The following ZGRF1 variants were observed in gnomAD, a reference collection of about 807,000 sequenced individuals.
The protein encoded by ZGRF1 is zinc finger GRF-type containing 1.
ZGRF1 carries 196 observed loss-of-function variants against 203.5 expected under a neutral mutation model. The observed-to-expected ratio is 0.96, with a 90% CI of 0.86 to 1.08. The LOEUF is 1.08. Among genes scored for constraint, ZGRF1 ranks in the 50% least tolerant of loss-of-function variants. The pLI is 0.00. For missense variants in ZGRF1, 2,326 were observed against 2,416.3 expected (o/e 0.96, Z 0.78); for synonymous variants, 809 against 841.3 (o/e 0.96, Z 0.66).
At position 112,603,594 on chromosome 4, in the gene ZGRF1, G is replaced by T. The variant is rs770946928; in HGVS notation, c.2906C>A (p.Thr969Asn). The T allele has an allele frequency of 2.9e-5, 47 of 1,613,424 alleles. 2 individuals carry two copies. In the South Asian group the frequency reaches 5.1e-4, roughly 17 times the overall value. Reference protein sequence around the residue: ...QLGCSQFPDSTEYENFMTETP... With the variant: ...QLGCSQFPDSNEYENFMTETP... ...CTCTGTCATAAAGTTTTCATACTCA[G>T]TGCTATCTGGAAACTGACTGCATCC... The change falls in exon 10 of 28, where the codon ACT (threonine) becomes AAT (asparagine). Residue 969 changes from threonine (T) to asparagine (N), a missense_variant. By Grantham distance (65) the Thr-to-Asn change is moderately conservative. Coordinates refer to ENST00000505019, the MANE Select transcript of ZGRF1 (RefSeq NM_018392.5).
intron 21 of ZGRF1, among the ~76,000 whole-genome samples, chr4:112,554,228 G>T (rs1304513103): frequency 8.8e-6 from 1 of 114,120 alleles, no homozygotes; most frequent in Non-Finnish European, 1.6e-5. Flanking sequence ...ACACGCCCCA[G>T]TGTGTGATGT....
rs534216760 is a variant in ZGRF1, at chr4:112,620,080, T to C, written c.273A>G (p.Pro91=). The C allele has an allele frequency of 6.2e-7, 1 of 1,613,528 alleles. No individual in the cohort carries two copies. Among genetic ancestry groups the C allele is most frequent in the South Asian group, 1.1e-5 (1 of 91,028 alleles). ...ATATAAATGTCCTTGAATTTAACTC[T>C]GGTGCTTCTTTATTGACATTCTGCT... ...IVKQNVNKEA[P]ELNSRTFISS... Residue 91 remains proline (P), a synonymous_variant, in exon 5 of 28, where the codon CCA becomes CCG. Coordinates refer to ENST00000505019, the MANE Select transcript of ZGRF1 (RefSeq NM_018392.5).
At chr4:112,613,647 G>A (rs1471669897) in intron 6 of ZGRF1, among the ~76,000 whole-genome samples, 5 of 152,192 alleles carry the variant, frequency 3.3e-5, no homozygotes, top group African/African-American at 1.2e-4. Context: ...ACTCAGCTAT[G>A]ACAAGGGTAA....
chr4:112,623,218 T>C (rs1477112162), intron 4 of ZGRF1, among the ~76,000 whole-genome samples: 2 of 152,224 alleles, frequency 1.3e-5, no homozygotes. Flanking sequence ...TAATATTTCA[T>C]GGTGTATTTC....
chr4:112,574,029 C>T (rs548298212), intron 16 of ZGRF1, among the ~76,000 whole-genome samples: 3 of 152,106 alleles, frequency 2.0e-5, no homozygotes, highest in African/African-American at 4.8e-5. Context: ...AGAATGAGTA[C>T]AAACTGATAG....
chr4:112,539,808 C>A, intron 27 of ZGRF1, 55 bp downstream of exon 27: 2 of 1,599,946 alleles, frequency 1.3e-6, no homozygotes, highest in South Asian at 1.1e-5. Context: ...AAGCATTAAC[C>A]CATAAAAGTC....
chr4:112,561,815 C>T (rs1742031479), intron 18 of ZGRF1, among the ~76,000 whole-genome samples: 1 of 151,270 alleles, frequency 6.6e-6, no homozygotes, highest in African/African-American at 2.4e-5. Flanking sequence ...CTGAAATGAT[C>T]CTTAAATTAT....
chr4:112,539,636 G>C lies in ZGRF1; in HGVS notation c.6226C>G (p.Leu2076Val), dbSNP rs377650157. The C allele has an allele frequency of 6.2e-7, 1 of 1,604,516 alleles. No homozygotes were observed. Among genetic ancestry groups the C allele is most frequent in the African/African-American group, 1.3e-5 (1 of 74,702 alleles). Residue 2076 changes from leucine to valine, a missense_variant, in exon 28 of 28, where the codon CTC becomes GTC. Leu to Val is a conservative substitution (Grantham distance 32). Coordinates refer to ENST00000505019, the MANE Select transcript of ZGRF1 (RefSeq NM_018392.5). ...ANQYEPQLNHLLKDYFEKQVE... is the reference protein window; with the variant it reads ...ANQYEPQLNHVLKDYFEKQVE... The stretch of plus-strand genomic sequence containing the variant: ...TGTTTTTCAAAATAATCTTTAAGGA[G>C]ATGGTTCAGCTGTGGTTCATACTGG...
At chr4:112,599,854 G>A (rs1749658795) in intron 10 of ZGRF1, among the ~76,000 whole-genome samples, 1 of 152,124 alleles carries the variant, frequency 6.6e-6, no homozygotes, top group South Asian at 2.1e-4. Context: ...ATGAAGAAAA[G>A]ATAGCTTTTT....
chr4:112,572,939 T>C (rs1560783502), intron 16 of ZGRF1, among the ~76,000 whole-genome samples: 1 of 152,214 alleles, frequency 6.6e-6, no homozygotes. Context: ...ACTTTTACAC[T>C]GCTAGTGGAA....
intron 22 of ZGRF1, 94 bp from the exon 23 acceptor site, chr4:112,548,474 T>A: frequency 2.1e-6 from 2 of 947,550 alleles, no homozygotes; most frequent in Admixed American, 2.7e-5. Flanking sequence ...AATTAGAGAG[T>A]GAGCTAGTCC....
intron 10 of ZGRF1, among the ~76,000 whole-genome samples, chr4:112,600,420 G>A (rs1055064282): frequency 6.6e-6 from 1 of 152,168 alleles, no homozygotes; most frequent in Non-Finnish European, 1.5e-5. Context: ...AGGGCCAGGT[G>A]TGGTGGATCA....
At chr4:112,602,563 G>A (rs1423819673) in intron 10 of ZGRF1, among the ~76,000 whole-genome samples, 3 of 152,234 alleles carry the variant, frequency 2.0e-5, no homozygotes, top group African/African-American at 7.2e-5. Context: ...TGTCACGCAT[G>A]TGTGTATATG....
intron 3 of ZGRF1, among the ~76,000 whole-genome samples, chr4:112,630,206 A>T (rs879504056): frequency 6.6e-6 from 1 of 152,184 alleles, no homozygotes; most frequent in Non-Finnish European, 1.5e-5. Context: ...TTAAATATTA[A>T]GAAATAGTAG....
At chr4:112,580,572 A>C (rs929203777) in intron 16 of ZGRF1, among the ~76,000 whole-genome samples, 5 of 152,110 alleles carry the variant, frequency 3.3e-5, no homozygotes, top group Admixed American at 2.6e-4. Context: ...AACTCAAACA[A>C]ATTTACAAGA....
In ZGRF1 at chr4:112,587,623, T is replaced by C. The variant is rs552502842; in HGVS notation, c.3434A>G (p.Lys1145Arg). The C allele has an allele frequency of 2.2e-4, 351 of 1,613,908 alleles. 1 individual carries two copies. The South Asian group carries it at 3.7e-3, about 17-fold the overall frequency. ...VSLNNISTQS[K>R]WLKYQNTSQC... ...GGATGTGTTTTGATATTTCAGCCAC[T>C]TGCTCTGAGTAGATATATTATTAAG... is the stretch of plus-strand genomic sequence containing the variant. Residue 1145 changes from lysine to arginine, a missense_variant, in exon 12 of 28, where the codon AAG becomes AGG. By Grantham distance (26) the Lys-to-Arg change is conservative (BLOSUM62 2). Transcript: ENST00000505019.
At chr4:112,539,791 G>A (rs923034957) in intron 27 of ZGRF1, 72 bp downstream of exon 27, 2 of 1,580,820 alleles carry the variant, frequency 1.3e-6, no homozygotes, top group African/African-American at 1.4e-5. Context: ...CCTGCTTGAA[G>A]CACCCCAAGC....
At position 112,539,392 on chromosome 4, in the gene ZGRF1, A is replaced by G; in HGVS notation, c.*155T>C. 2.2e-6 allele frequency: 1 copy of G among 458,658 alleles called. No individual in the cohort carries two copies. The highest frequency in any genetic ancestry group is 5.7e-5 in the South Asian group (1 of 17,574). The allele number at this position is 458,658 out of a possible 1,614,324, so 28.4% of individuals were successfully genotyped here. A position where few individuals can be genotyped will look rare whatever the true frequency, so the allele number is the denominator to read the frequency against. On this transcript the variant is annotated 3_prime_UTR_variant, in exon 28 of 28. Coordinates refer to ENST00000505019, the MANE Select transcript of ZGRF1 (RefSeq NM_018392.5). ...TAGGATTTTATACTACCTTTTGTAC[A>G]CTTTTTTGAAGAACAAAATTTTTAC...
chr4:112,562,516 G>T, intron 17 of ZGRF1, 31 bp from the exon 18 acceptor site: 1 of 1,310,950 alleles, frequency 7.6e-7, no homozygotes, highest in Non-Finnish European at 1.1e-6. Flanking sequence ...ATAAACATTT[G>T]ATGTAAATAA....
Sources: allele counts gnomAD v4.1 joint callset (sites outside exome capture counted in the v4.1 genomes callset), GRCh38; gene constraint gnomAD v4.1.1; transcripts MANE v1.5; gene names NCBI Gene and HGNC (gene_info 2026-07-23, HGNC 2026-07-21).